MICAL3: variants seen among roughly 807,000 people sequenced by gnomAD.
The protein encoded by MICAL3 is microtubule associated monooxygenase, calponin and LIM domain containing 3, also known as [F-actin]-monooxygenase MICAL3.
MICAL3 carries 62 observed loss-of-function variants against 207.4 expected under a neutral mutation model. The ratio of observed to expected loss-of-function variants is 0.30; its 90% CI spans 0.24 to 0.37. The LOEUF (loss-of-function observed/expected upper bound fraction) is 0.37, where lower values mean the gene tolerates loss of function less well. Ranked by LOEUF, MICAL3 falls within the 10% of genes least tolerant of loss-of-function variation. The pLI is 1.00. For synonymous variants in MICAL3, 1,077 were observed against 1,069.3 expected, an observed-to-expected ratio of 1.01 and a Z score of -0.14; for missense variants, 2,368 against 2,635.6, an observed-to-expected ratio of 0.90 and a Z score of 2.22.
intron 1 of MICAL3, among the ~76,000 whole-genome samples, chr22:17,968,738 A>C (rs1466944245): frequency 6.6e-6 from 1 of 152,172 alleles, no homozygotes; most frequent in Non-Finnish European, 1.5e-5. Context: ...TGTGGCCACC[A>C]AACAGTTTGA....
intron 28 of MICAL3, 92 bp downstream of exon 28, chr22:17,810,611 G>A (rs898296704): frequency 1.1e-5 from 11 of 1,044,698 alleles, no homozygotes; most frequent in East Asian, 7.3e-5. Context: ...GCTCTGCACT[G>A]TGCTTGTGTG....
chr22:17,972,449 G>C (rs149098113), intron 1 of MICAL3, among the ~76,000 whole-genome samples: 16 of 152,280 alleles, frequency 1.1e-4, no homozygotes, highest in Non-Finnish European at 1.5e-4. Flanking sequence ...CCAGGCACAC[G>C]CAACAGGTGA....
rs1931758187 is a variant in MICAL3, at chr22:17,906,869, T to C, written c.-57A>G. On this transcript the variant is annotated 5_prime_UTR_variant, in exon 2 of 32. Coordinates refer to ENST00000441493, the MANE Select transcript of MICAL3 (RefSeq NM_015241.3). ...GAGGTGGGATGGCTGTGGGTCCACC[T>C]GACACTGTCACGTTAATCTGACAAA... 6.7e-6 allele frequency: 10 copies of C among 1,482,984 alleles called. No individual in the cohort carries two copies. The allele number at this position is 1,482,984 out of a possible 1,614,324, so 91.9% of individuals were successfully genotyped here. A position where few individuals can be genotyped will look rare whatever the true frequency, so the allele number is the denominator to read the frequency against.
chr22:17,867,744 T>C (rs1225053274), intron 17 of MICAL3, among the ~76,000 whole-genome samples: 3 of 152,246 alleles, frequency 2.0e-5, no homozygotes, highest in Non-Finnish European at 2.9e-5. Flanking sequence ...CCCTGGGGAC[T>C]GCTCTCTGGA....
chr22:17,791,341 C>T lies in MICAL3; in HGVS notation c.5651-40G>A, dbSNP rs527517115. On this transcript the variant is annotated intron_variant, in intron 29 of 31. Transcript: ENST00000441493. Reference sequence around the variant, plus strand: ...CTTGTGTCGGGTGCAGGGAGTGCCGCGCCCACCCTGGCCCGCAGGAATCAC... The same window carrying T: ...CTTGTGTCGGGTGCAGGGAGTGCCGTGCCCACCCTGGCCCGCAGGAATCAC... 104 of 1,534,828 alleles carry T rather than the reference C, an allele frequency of 6.8e-5. No individual in the cohort carries two copies. The East Asian group carries it at 1.6e-3, about 24-fold the overall frequency.
chr22:17,916,770 C>T (rs1569132007), intron 1 of MICAL3, among the ~76,000 whole-genome samples: 1 of 152,154 alleles, frequency 6.6e-6, no homozygotes, highest in Non-Finnish European at 1.5e-5. Context: ...GTCCCAGACC[C>T]ATCCCAAGCC....
intron 1 of MICAL3, among the ~76,000 whole-genome samples, chr22:17,960,979 C>A (rs1262521985): frequency 6.6e-6 from 1 of 152,076 alleles, no homozygotes; most frequent in Non-Finnish European, 1.5e-5. Flanking sequence ...TTGGCATTGA[C>A]TGGGGTGCGA....
intron 1 of MICAL3, among the ~76,000 whole-genome samples, chr22:17,927,155 G>C (rs1932961047): frequency 6.6e-6 from 1 of 152,076 alleles, no homozygotes. Flanking sequence ...GTCTATTCCA[G>C]GTACCTCATA....
rs1934282294 is a variant in MICAL3 at position 17,950,346 on chromosome 22, T to TG, written c.-74-43461_-74-43460insC. Among the ~76,000 whole-genome samples, 3 of 141,726 alleles carry TG rather than the reference T, an allele frequency of 2.1e-5. No individual in the cohort carries two copies. In the East Asian group the frequency reaches 6.0e-4, roughly 28 times the overall value. The allele number at this position is 141,726 out of a possible 152,430, so 93.0% of individuals were successfully genotyped here. On this transcript the variant is annotated intron_variant, in intron 1 of 31. Coordinates refer to ENST00000441493, the MANE Select transcript of MICAL3 (RefSeq NM_015241.3). ...CTGGCGTTTTGTTTTTGTTTTTTTTTTTTTTTTTTTTTTTGAGACGAAGTT... is the reference window on the plus strand; with the variant it reads ...CTGGCGTTTTGTTTTTGTTTTTTTTTGTTTTTTTTTTTTTTGAGACGAAGTT...
At chr22:17,870,382 C>T (rs776330035) in intron 17 of MICAL3, among the ~76,000 whole-genome samples, 3 of 152,092 alleles carry the variant, frequency 2.0e-5, no homozygotes, top group Non-Finnish European at 2.9e-5. Context: ...GCTGTGTAAC[C>T]GAGCCTTTCG....
At chr22:17,867,506 A>G (rs1489341829) in intron 17 of MICAL3, among the ~76,000 whole-genome samples, 2 of 152,196 alleles carry the variant, frequency 1.3e-5, no homozygotes, top group African/African-American at 4.8e-5. Context: ...TCTGTTTTGT[A>G]TCTCATTCTT....
chr22:18,017,706 C>A (rs1182565349), intron 1 of MICAL3, among the ~76,000 whole-genome samples: 1 of 151,692 alleles, frequency 6.6e-6, no homozygotes, highest in African/African-American at 2.4e-5. Context: ...CTGCCTCTGC[C>A]TCCCGAGTAG....
At chr22:17,991,920 G>C (rs5992145) in intron 1 of MICAL3, among the ~76,000 whole-genome samples, 1 of 152,090 alleles carries the variant, frequency 6.6e-6, no homozygotes, top group Admixed American at 6.6e-5. Flanking sequence ...CTTCGAGGCC[G>C]TGGTAGACAC....
chr22:17,904,216 A>G (rs184500009), intron 3 of MICAL3, among the ~76,000 whole-genome samples: 1 of 152,354 alleles, frequency 6.6e-6, no homozygotes, highest in East Asian at 1.9e-4. Context: ...TTAGTAGAGA[A>G]TGTATCAGCT....
At chr22:17,932,978 C>T (rs1020575989) in intron 1 of MICAL3, among the ~76,000 whole-genome samples, 18 of 152,100 alleles carry the variant, frequency 1.2e-4, no homozygotes, top group African/African-American at 3.4e-4. Flanking sequence ...AAGCAAGTCC[C>T]TAGAGACCTA....
chr22:17,866,554 A>C (rs1927136105), intron 17 of MICAL3, among the ~76,000 whole-genome samples: 2 of 152,086 alleles, frequency 1.3e-5, no homozygotes, highest in Non-Finnish European at 2.9e-5. Context: ...GGACATTAGA[A>C]GACAAAAAAT....
chr22:17,825,979 T>G (rs1922138600), intron 22 of MICAL3, among the ~76,000 whole-genome samples: 1 of 152,190 alleles, frequency 6.6e-6, no homozygotes, highest in Admixed American at 6.5e-5. Flanking sequence ...CCCCACTTTC[T>G]GCTGAATAGC....
chr22:18,010,771 T>G (rs560181985), intron 1 of MICAL3, among the ~76,000 whole-genome samples: 25 of 152,236 alleles, frequency 1.6e-4, no homozygotes, highest in Non-Finnish European at 2.9e-4. Flanking sequence ...GGATAAATAC[T>G]AACATGTTCA....
At position 17,895,391 on chromosome 22, in the gene MICAL3, G is replaced by A. The variant is rs1400790219; in HGVS notation, c.1342C>T (p.Leu448=). ...LAERESIYRL[L]PQTTPENVSK... Reference sequence around the variant, plus strand: ...ACATTCTCAGGGGTGGTCTGAGGCAGCAACCTGTAAATACTTTCCCTGCAA... The same window carrying A: ...ACATTCTCAGGGGTGGTCTGAGGCAACAACCTGTAAATACTTTCCCTGCAA... The change falls in exon 10 of 32, where the codon CTG becomes TTG. Residue 448 remains leucine (L), a synonymous_variant. Coordinates refer to ENST00000441493, the MANE Select transcript of MICAL3 (RefSeq NM_015241.3). 5 of 1,613,774 alleles carry A rather than the reference G, an allele frequency of 3.1e-6. No homozygotes were observed. The highest frequency in any genetic ancestry group is 3.3e-5 in the Admixed American group (2 of 59,990).
Sources: gnomAD v4.1 joint callset for allele counts (sites outside exome capture counted in the v4.1 genomes callset) on GRCh38, gnomAD v4.1.1 for gene constraint, MANE v1.5 for transcripts, NCBI Gene and HGNC (gene_info 2026-07-23, HGNC 2026-07-21) for gene names.